Variants in MICAL2 observed in about 807,000 individuals in gnomAD.
MICAL2 encodes the protein microtubule associated monooxygenase, calponin and LIM domain containing 2.
A neutral mutation model predicts 127.3 loss-of-function variants in MICAL2; 77 were observed. The ratio of observed to expected loss-of-function variants is 0.60; its 90% CI spans 0.50 to 0.73. MICAL2 has a LOEUF of 0.73. Among genes scored for constraint, MICAL2 ranks in the 30% least tolerant of loss-of-function variants. The probability of loss-of-function intolerance (pLI) is 0.00; values close to 1 mark genes in which losing one functional copy is unlikely to be tolerated. For synonymous variants in MICAL2, 570 were observed against 551.1 expected (o/e 1.03, Z -0.48); for missense variants, 1,351 against 1,434.4 (o/e 0.94, Z 0.94).
At chr11:12,259,044 A>G (rs1347283608) in intron 25 of MICAL2, among the ~76,000 whole-genome samples, 2 of 152,238 alleles carry the variant, frequency 1.3e-5, no homozygotes, top group Non-Finnish European at 2.9e-5. Flanking sequence ...CTCTTAGCAA[A>G]TATCTTCTCT....
upstream of MICAL2, among the ~76,000 whole-genome samples, chr11:12,272,466 G>C (rs1418647024): frequency 6.6e-6 from 1 of 152,186 alleles, no homozygotes; most frequent in African/African-American, 2.4e-5. Context: ...GTGGTGGCAG[G>C]TTCATCCCCA....
At chr11:12,280,251 T>A (rs915965266) in intron 1 of MICAL2, among the ~76,000 whole-genome samples, 6 of 152,038 alleles carry the variant, frequency 3.9e-5, no homozygotes, top group Non-Finnish European at 8.8e-5. Flanking sequence ...AAGTCCCTAA[T>A]GATGAGCTTA....
At chr11:12,198,561 G>C (rs1394954131) in intron 3 of MICAL2, among the ~76,000 whole-genome samples, 1 of 152,220 alleles carries the variant, frequency 6.6e-6, no homozygotes, top group African/African-American at 2.4e-5. Context: ...CCTGGATTCA[G>C]ATAAGTGGCT....
intron 24 of MICAL2, among the ~76,000 whole-genome samples, chr11:12,269,100 C>G (rs1427132890): frequency 1.3e-5 from 2 of 152,198 alleles, no homozygotes; most frequent in Non-Finnish European, 2.9e-5. Context: ...CACACCAGGC[C>G]CTGGCTGTGA....
At chr11:12,223,106 G>A (rs1001245625) in intron 11 of MICAL2, among the ~76,000 whole-genome samples, 1 of 152,142 alleles carries the variant, frequency 6.6e-6, no homozygotes, top group Non-Finnish European at 1.5e-5. Context: ...CTAATTTAAA[G>A]CCACCAAACT....
At chr11:12,166,555 C>T (rs1178017815) in intron 3 of MICAL2, among the ~76,000 whole-genome samples, 1 of 152,176 alleles carries the variant, frequency 6.6e-6, no homozygotes, top group African/African-American at 2.4e-5. Context: ...GGGCAAGTTA[C>T]TTAATATCTC....
At chr11:12,172,453 A>G (rs1856384638) in intron 3 of MICAL2, among the ~76,000 whole-genome samples, 1 of 152,206 alleles carries the variant, frequency 6.6e-6, no homozygotes, top group Non-Finnish European at 1.5e-5. Flanking sequence ...AATTGTGTAC[A>G]AGAGAATCAA....
chr11:12,256,529 G>A (rs1954463525), intron 23 of MICAL2: 5 of 381,050 alleles, frequency 1.3e-5, no homozygotes, highest in South Asian at 1.0e-4. Flanking sequence ...AGCCAACCTC[G>A]GGGAGAGCCC....
chr11:12,300,063 GGC>G (rs1369430044), intron 29 of MICAL2, among the ~76,000 whole-genome samples: 9 of 152,164 alleles, frequency 5.9e-5, no homozygotes, highest in Admixed American at 5.9e-4. Flanking sequence ...GGGAAGCAGA[GGC>G]GGGTGGATTA....
chr11:12,226,942 C>G, intron 14 of MICAL2, 83 bp from the exon 15 acceptor site: 1 of 1,098,316 alleles, frequency 9.1e-7, no homozygotes, highest in Non-Finnish European at 1.4e-6. Flanking sequence ...CGTGAGCCAC[C>G]ACACCCAGCC....
intron 1 of MICAL2, among the ~76,000 whole-genome samples, chr11:12,119,992 C>A (rs1420434866): frequency 6.6e-6 from 1 of 152,216 alleles, no homozygotes; most frequent in Non-Finnish European, 1.5e-5. Context: ...CTTGATCAGT[C>A]TAAGGCAGCT....
intron 3 of MICAL2, among the ~76,000 whole-genome samples, chr11:12,162,748 G>A (rs955409743): frequency 1.3e-5 from 2 of 152,182 alleles, no homozygotes; most frequent in African/African-American, 4.8e-5. Context: ...CAGCTTCTAG[G>A]TACAAGGTAC....
At chr11:12,208,281 G>GTT in intron 5 of MICAL2, 142 bp downstream of exon 5, 13 of 553,564 alleles carry the variant, frequency 2.3e-5, no homozygotes, top group South Asian at 4.8e-5. Context: ...GTATTTTACT[G>GTT]TTTTTTTTTT....
chr11:12,322,299 C>T (rs1244204639), intron 30 of MICAL2, among the ~76,000 whole-genome samples: 1 of 152,148 alleles, frequency 6.6e-6, no homozygotes, highest in African/African-American at 2.4e-5. Context: ...TGATCCCCAC[C>T]ACCTCTTCCC....
At chr11:12,349,936 A>G (rs756453779) in exon 33 of MICAL2, 2 of 1,613,474 alleles carry the variant, frequency 1.2e-6, no homozygotes, top group Non-Finnish European at 8.5e-7. Flanking sequence ...GCTCCTAATC[A>G]TGTAAGTAAG....
chr11:12,212,695 A>G (rs1246370924), intron 6 of MICAL2, among the ~76,000 whole-genome samples: 1 of 152,042 alleles, frequency 6.6e-6, no homozygotes, highest in African/African-American at 2.4e-5. Flanking sequence ...GCTATTTCCA[A>G]TAGAGTCACA....
intron 23 of MICAL2, 137 bp downstream of exon 23, chr11:12,255,887 G>A (rs1862266637): frequency 1.6e-6 from 1 of 642,862 alleles, no homozygotes; most frequent in Non-Finnish European, 2.7e-6. Context: ...CTGAGAATGA[G>A]CTGAATCAGG....
At chr11:12,296,879 T>C (rs1863992351), downstream of MICAL2, among the ~76,000 whole-genome samples, 1 of 152,130 alleles carries the variant, frequency 6.6e-6, no homozygotes, top group Admixed American at 6.5e-5. Context: ...CGTAAAGCAC[T>C]TTCTTCTTTT....
At chr11:12,233,149 G>A (rs1858530064) in intron 15 of MICAL2, among the ~76,000 whole-genome samples, 1 of 152,186 alleles carries the variant, frequency 6.6e-6, no homozygotes, top group Non-Finnish European at 1.5e-5. Context: ...CTACTGTCTA[G>A]CACGTTATAG....
Sources: allele counts gnomAD v4.1 joint callset (sites outside exome capture counted in the v4.1 genomes callset), GRCh38; gene constraint gnomAD v4.1.1; transcripts MANE v1.5; gene names NCBI Gene and HGNC (gene_info 2026-07-23, HGNC 2026-07-21).